The following PLPP3 variants were observed in gnomAD, a reference collection of about 807,000 sequenced individuals.
The protein encoded by PLPP3 is PAP2 beta.
PLPP3 carries 6 observed loss-of-function variants against 29.6 expected under a neutral mutation model. That is an observed-to-expected ratio of 0.20 (90% confidence interval 0.11 to 0.40). PLPP3 has a LOEUF of 0.40. Ranked by LOEUF, PLPP3 falls within the 10% of genes least tolerant of loss-of-function variation. PLPP3 has a pLI of 1.00. For synonymous variants in PLPP3, 152 were observed against 159.7 expected, an observed-to-expected ratio of 0.95 and a Z score of 0.36; for missense variants, 308 against 407.7, an observed-to-expected ratio of 0.76 and a Z score of 2.11.
intron 2 of PLPP3, among the ~76,000 whole-genome samples, chr1:56,533,676 G>C (rs750322216): frequency 5.3e-5 from 8 of 152,122 alleles, no homozygotes; most frequent in Non-Finnish European, 1.0e-4. Flanking sequence ...ACATATGAAG[G>C]ATGATTCTCA....
At chr1:56,557,754 A>C (rs2100293285) in intron 1 of PLPP3, among the ~76,000 whole-genome samples, 1 of 152,320 alleles carries the variant, frequency 6.6e-6, no homozygotes, top group African/African-American at 2.4e-5. Context: ...CAGAGGAAAG[A>C]TAGCTTCTGA....
intron 1 of PLPP3, among the ~76,000 whole-genome samples, chr1:56,569,035 C>T (rs1646180486): frequency 6.6e-6 from 1 of 152,066 alleles, no homozygotes; most frequent in South Asian, 2.1e-4. Context: ...ATTTGCCTAC[C>T]CTCAAATCCA....
intron 1 of PLPP3, among the ~76,000 whole-genome samples, chr1:56,566,410 T>C (rs2100302834): frequency 6.6e-6 from 1 of 152,278 alleles, no homozygotes; most frequent in South Asian, 2.1e-4. Context: ...TTACCTCCGT[T>C]CTGTAAAATG....
At chr1:56,574,513 C>T (rs1163527255) in intron 1 of PLPP3, among the ~76,000 whole-genome samples, 3 of 152,150 alleles carry the variant, frequency 2.0e-5, no homozygotes, top group Non-Finnish European at 2.9e-5. Flanking sequence ...CCTCTGCCTC[C>T]CAAAGTGCTG....
At chr1:56,504,150 G>T (rs949924828) in intron 5 of PLPP3, among the ~76,000 whole-genome samples, 1 of 152,330 alleles carries the variant, frequency 6.6e-6, no homozygotes, top group South Asian at 2.1e-4. Context: ...AACAAAGAGG[G>T]TTTAGAGGAG....
Position 56,515,811 on chromosome 1 carries a change from T to A in PLPP3, c.634-3659A>T, listed in dbSNP as rs1645776911. On this transcript the variant is annotated intron_variant, in intron 4 of 5. Transcript: ENST00000371250. ...TGGGGTACAATAGCCCTGATTCCAG[T>A]CCTGGCTCTGTCACTTACTAAGTGG... Among the ~76,000 whole-genome samples, 5 of 152,190 alleles carry A rather than the reference T, an allele frequency of 3.3e-5. No homozygotes were observed. In the South Asian group the frequency reaches 1.0e-3, roughly 32 times the overall value.
At chr1:56,565,183 T>A (rs11799599) in intron 1 of PLPP3, among the ~76,000 whole-genome samples, 47,919 of 152,100 alleles carry the variant, frequency 0.32, 8,096 homozygotes, top group Middle Eastern at 0.43. Context: ...TTGCTAACTT[T>A]ACAACAATGT....
In PLPP3 at chr1:56,524,534, G is replaced by A. The variant is rs777523216; in HGVS notation, c.318C>T (p.Tyr106=). ...AILAIITGEF[Y]RIYYLKKSRS... is the part of the protein sequence containing the mutation. Reference sequence around the variant, plus strand: ...GCGACTTCTTCAGGTAATAGATCCGGTAGAATTCCCCCGTGATGATCTAAA... The same window carrying A: ...GCGACTTCTTCAGGTAATAGATCCGATAGAATTCCCCCGTGATGATCTAAA... The change falls in exon 3 of 6, where the codon TAC becomes TAT. Residue 106 remains tyrosine, a synonymous_variant. Coordinates refer to ENST00000371250, the MANE Select transcript of PLPP3 (RefSeq NM_003713.5). This position sits in a 1 kb window ranked among gnomAD's most constrained non-coding sequence, Gnocchi z 4.3. The A allele has an allele frequency of 1.2e-6, 2 of 1,610,568 alleles. No homozygotes were observed. The highest frequency in any genetic ancestry group is 1.7e-6 in the Non-Finnish European group (2 of 1,176,890).
At chr1:56,553,193 C>T (rs1646052225) in intron 1 of PLPP3, among the ~76,000 whole-genome samples, 1 of 152,106 alleles carries the variant, frequency 6.6e-6, no homozygotes, top group Non-Finnish European at 1.5e-5. Context: ...ATGTGTGTGG[C>T]TTTCAAACAA....
chr1:56,510,802 G>A lies in PLPP3; in HGVS notation c.810+1174C>T, dbSNP rs1390883948. On this transcript the variant is annotated intron_variant, in intron 5 of 5. Coordinates refer to ENST00000371250, the MANE Select transcript of PLPP3 (RefSeq NM_003713.5). ...TAGAATCCCTGAGAGGCCTTGATAA[G>A]ATAGGGAGAGTAACATATATATTAC... 2.0e-5 allele frequency among the ~76,000 whole-genome samples: 3 copies of A among 152,230 alleles called. No individual in the cohort carries two copies. The South Asian group carries it at 6.2e-4, about 32-fold the overall frequency.
chr1:56,499,759 A>T (rs184181064), intron 5 of PLPP3, among the ~76,000 whole-genome samples: 3 of 152,224 alleles, frequency 2.0e-5, no homozygotes, highest in African/African-American at 7.2e-5. Flanking sequence ...AACAGGGTTC[A>T]GTCTTCCTAA....
At chr1:56,574,967 A>T (rs1248809501) in intron 1 of PLPP3, among the ~76,000 whole-genome samples, 2 of 152,070 alleles carry the variant, frequency 1.3e-5, no homozygotes, top group Non-Finnish European at 2.9e-5. Flanking sequence ...ATTTAAATGA[A>T]TTTTTCCAAA....
intron 1 of PLPP3, among the ~76,000 whole-genome samples, chr1:56,560,673 T>A (rs1646117193): frequency 6.6e-6 from 1 of 152,134 alleles, no homozygotes; most frequent in Non-Finnish European, 1.5e-5. Context: ...CCACCTTCCA[T>A]CACCTTGGTG....
intron 2 of PLPP3, among the ~76,000 whole-genome samples, chr1:56,528,457 C>A (rs1645866770): frequency 6.6e-6 from 1 of 152,118 alleles, no homozygotes; most frequent in African/African-American, 2.4e-5. Flanking sequence ...AAAGAAGCAA[C>A]AACGTTGTAG....
intron 4 of PLPP3, among the ~76,000 whole-genome samples, chr1:56,522,602 G>T (rs1013671763): frequency 1.3e-5 from 2 of 152,118 alleles, no homozygotes; most frequent in African/African-American, 4.8e-5. Context: ...TCATCTTTCA[G>T]CTCTGCATCC....
rs1478666199 is a variant in PLPP3 at position 56,579,206 on chromosome 1, GCTC to G, written c.-193_-191del. The stretch of plus-strand genomic sequence containing the variant: ...CCAACTGCAGAAGGTGGTGTTTTCT[GCTC>G]CTCCTGCGCGCCTCTGCTTTCCTCT... On this transcript the variant is annotated 5_prime_UTR_variant, in exon 1 of 6. Transcript: ENST00000371250. 14 of 633,200 alleles carry G rather than the reference GCTC, an allele frequency of 2.2e-5. No homozygotes were observed. The highest frequency in any genetic ancestry group is 3.3e-5 in the Non-Finnish European group (13 of 392,858). 39.2% of individuals were successfully genotyped at this position (633,200 alleles called of 1,614,324 possible).
At chr1:56,538,965 A>AAAAAAAAAAAAAAAAAC (rs1332908728) in intron 1 of PLPP3, 1 of 151,212 alleles carries the variant, frequency 6.6e-6, no homozygotes, top group Non-Finnish European at 1.5e-5. Flanking sequence ...GCTGCAAAAA[A>AAAAAAAAAAAAAAAAAC]AAAAAACACA....
chr1:56,557,654 G>A (rs1044963338), intron 1 of PLPP3, among the ~76,000 whole-genome samples: 2 of 152,136 alleles, frequency 1.3e-5, no homozygotes, highest in African/African-American at 2.4e-5. Context: ...ATGGTTATGT[G>A]TATGTACCTC....
intron 5 of PLPP3, among the ~76,000 whole-genome samples, chr1:56,507,426 G>C (rs1373089506): frequency 6.6e-6 from 1 of 152,198 alleles, no homozygotes; most frequent in African/African-American, 2.4e-5. Context: ...TATTGTGTCA[G>C]CTGCTGTACT....
Sources: gnomAD v4.1 joint callset for allele counts (sites outside exome capture counted in the v4.1 genomes callset) on GRCh38, gnomAD v4.1.1 for gene constraint, Gnocchi (gnomAD v3.1) non-coding constraint, MANE v1.5 for transcripts, NCBI Gene and HGNC (gene_info 2026-07-23, HGNC 2026-07-21) for gene names.